The following NLGN4X variants were observed in gnomAD, a reference collection of about 807,000 sequenced individuals.
NLGN4X encodes neuroligin-4, X-linked.
In NLGN4X, 3 loss-of-function variants were observed where a neutral mutation model predicts 40.3. The ratio of observed to expected loss-of-function variants is 0.07; its 90% confidence interval spans 0.03 to 0.19. The LOEUF (loss-of-function observed/expected upper bound fraction) is 0.19. Ranked by LOEUF, NLGN4X falls within the 10% of genes least tolerant of loss-of-function variation. NLGN4X has a pLI of 1.00. For missense variants in NLGN4X, 382 were observed against 708.3 expected, an observed-to-expected ratio of 0.54 and a Z score of 5.23; for synonymous variants, 270 against 306.8, an observed-to-expected ratio of 0.88 and a Z score of 1.25.
At chrX:6,150,967 T>C (rs777384504) in intron 2 of NLGN4X, 28 bp downstream of exon 2, 20 of 1,131,406 alleles carry the variant, frequency 1.8e-5, no homozygotes, top group East Asian at 3.0e-5. Context: ...ACAAGAGGTA[T>C]TGTTTTCTGT....
intron 3 of NLGN4X, among the ~76,000 whole-genome samples, chrX:5,995,569 T>C (rs2035795083): frequency 8.9e-6 from 1 of 112,193 alleles, no homozygotes; most frequent in South Asian, 3.7e-4. Flanking sequence ...CTTTACCTAA[T>C]GGTTCAATGT....
At chrX:6,152,134 G>A (rs187297115) in intron 1 of NLGN4X, among the ~76,000 whole-genome samples, 2 of 110,463 alleles carry the variant, frequency 1.8e-5, no homozygotes, top group African/African-American at 6.6e-5. Context: ...GGATTTTTTT[G>A]TAGACATTGG....
At chrX:6,011,796 G>A (rs2036258933) in intron 3 of NLGN4X, among the ~76,000 whole-genome samples, 1 of 111,065 alleles carries the variant, frequency 9.0e-6, no homozygotes, top group Non-Finnish European at 1.9e-5. Context: ...GATGTTACAC[G>A]ATCTCTTCAT....
chrX:6,047,286 T>G (rs961842703), intron 2 of NLGN4X, among the ~76,000 whole-genome samples: 2 of 110,958 alleles, frequency 1.8e-5, no homozygotes, highest in African/African-American at 3.3e-5. Context: ...GAGACCAGCC[T>G]GGGCAACATG....
chrX:6,208,640 T>C (rs964328866), intron 1 of NLGN4X, among the ~76,000 whole-genome samples: 48 of 112,101 alleles, frequency 4.3e-4, no homozygotes, highest in African/African-American at 1.4e-3. Context: ...CCTCATTTCA[T>C]AACAGAGCTT....
chrX:5,967,992 T>A (rs956392881), intron 3 of NLGN4X, among the ~76,000 whole-genome samples: 2 of 111,337 alleles, frequency 1.8e-5, no homozygotes, highest in African/African-American at 6.5e-5. Flanking sequence ...TCAAGGAACA[T>A]TTCATCCCAT....
At chrX:5,952,295 C>T (rs1297838831) in intron 3 of NLGN4X, among the ~76,000 whole-genome samples, 4 of 111,790 alleles carry the variant, frequency 3.6e-5, no homozygotes, top group Non-Finnish European at 7.5e-5. Flanking sequence ...AGGTCAGGCA[C>T]GTATTTCCAA....
At chrX:6,119,134 C>T (rs1265395766) in intron 2 of NLGN4X, among the ~76,000 whole-genome samples, 1 of 111,846 alleles carries the variant, frequency 8.9e-6, no homozygotes, top group Non-Finnish European at 1.9e-5. Context: ...AAACACTGTC[C>T]ACTGTGGTCT....
chrX:6,067,789 A>G (rs1412095738), intron 2 of NLGN4X, among the ~76,000 whole-genome samples: 1 of 111,450 alleles, frequency 9.0e-6, no homozygotes, highest in Non-Finnish European at 1.9e-5. Flanking sequence ...TGCTAGAATT[A>G]CTCATGTTAA....
chrX:6,040,233 C>G (rs1166242353), intron 2 of NLGN4X, among the ~76,000 whole-genome samples: 1 of 111,602 alleles, frequency 9.0e-6, no homozygotes, highest in Non-Finnish European at 1.9e-5. Context: ...GCCACTGTGT[C>G]CAGCTCCGAA....
At chrX:5,970,097 A>T in intron 3 of NLGN4X, among the ~76,000 whole-genome samples, 1 of 109,861 alleles carries the variant, frequency 9.1e-6, no homozygotes. Flanking sequence ...TGGGTGCAGC[A>T]CACCAAAATG....
At chrX:6,022,518 T>C (rs1035089377) in intron 3 of NLGN4X, among the ~76,000 whole-genome samples, 1 of 111,869 alleles carries the variant, frequency 8.9e-6, no homozygotes, top group African/African-American at 3.2e-5. Context: ...ATTTATAAGA[T>C]AGCTTGACAT....
intron 1 of NLGN4X, among the ~76,000 whole-genome samples, chrX:6,196,514 T>C (rs775926266): frequency 3.1e-3 from 258 of 84,534 alleles, no homozygotes; most frequent in African/African-American, 0.011. Context: ...ATGGCGCCAC[T>C]GCACTCCAGC....
chrX:6,089,765 T>C (rs1016390322), intron 2 of NLGN4X, among the ~76,000 whole-genome samples: 5 of 111,757 alleles, frequency 4.5e-5, no homozygotes, highest in Non-Finnish European at 7.5e-5. Context: ...CTTCTAGAAA[T>C]AGACCAGCAT....
intron 2 of NLGN4X, among the ~76,000 whole-genome samples, chrX:6,124,798 G>A (rs778626430): frequency 5.4e-5 from 6 of 112,060 alleles, no homozygotes; most frequent in South Asian, 3.7e-4. Context: ...ACATATACAC[G>A]TATATCTGTA....
intron 2 of NLGN4X, among the ~76,000 whole-genome samples, chrX:6,036,884 G>A (rs1355439681): frequency 2.7e-5 from 3 of 111,529 alleles, no homozygotes; most frequent in African/African-American, 9.8e-5. Context: ...CCCTAATCCT[G>A]AAGAATATTC....
chrX:5,981,871 G>C (rs2035399237), intron 3 of NLGN4X, among the ~76,000 whole-genome samples: 1 of 111,058 alleles, frequency 9.0e-6, no homozygotes, highest in African/African-American at 3.3e-5. Context: ...CTATGTTGTA[G>C]ATTGATTGCA....
chrX:6,211,454 A>G (rs1374224766), intron 1 of NLGN4X, among the ~76,000 whole-genome samples: 1 of 112,195 alleles, frequency 8.9e-6, no homozygotes, highest in Non-Finnish European at 1.9e-5. Flanking sequence ...AATGCTTATG[A>G]AGATTTTTAA....
chrX:6,198,820 C>T (rs934596285), intron 1 of NLGN4X, among the ~76,000 whole-genome samples: 1 of 111,506 alleles, frequency 9.0e-6, no homozygotes, highest in Admixed American at 9.6e-5. Flanking sequence ...ATGATTCTAG[C>T]CAAGGTTCTG....
Sources: allele counts gnomAD v4.1 joint callset (sites outside exome capture counted in the v4.1 genomes callset), GRCh38; gene constraint gnomAD v4.1.1; transcripts MANE v1.5; gene names NCBI Gene and HGNC (gene_info 2026-07-23, HGNC 2026-07-21).